Variants in NBEA observed in about 807,000 individuals in gnomAD.
NBEA encodes the protein lysosomal-trafficking regulator 2.
NBEA carries 44 observed loss-of-function variants against 343.4 expected under a neutral mutation model. The observed-to-expected ratio is 0.13, with a 90% CI of 0.10 to 0.16. The LOEUF is 0.16. Ranked by LOEUF, NBEA falls within the 10% of genes least tolerant of loss-of-function variation. NBEA has a pLI of 1.00. For synonymous variants in NBEA, 1,175 were observed against 1,238.7 expected (o/e 0.95, Z 1.08); for missense variants, 2,555 against 3,631.3 (o/e 0.70, Z 7.62).
Position 35,010,744 on chromosome 13 carries a change from ATAT to A in NBEA, c.295-30188_295-30186del, listed in dbSNP as rs1566159134. Among the ~76,000 whole-genome samples the A allele has an allele frequency of 8.2e-3, 511 of 62,056 alleles. 9 individuals are homozygous for A. Among genetic ancestry groups the A allele is most frequent in the African/African-American group, 0.012 (140 of 11,576 alleles). 40.7% of individuals were successfully genotyped at this position (62,056 alleles called of 152,430 possible). A position where few individuals can be genotyped will look rare whatever the true frequency, so the allele number is the denominator to read the frequency against. On this transcript the variant is annotated intron_variant, in intron 1 of 58. Coordinates refer to ENST00000379939, the MANE Select transcript of NBEA (RefSeq NM_001385012.1). Reference sequence around the variant, plus strand: ...GTCTCTACAAAAAAAAAAAAAAAATATATATATATATATATATATATATATATA... The same window carrying A: ...GTCTCTACAAAAAAAAAAAAAAAATAATATATATATATATATATATATATA...
intron 34 of NBEA, among the ~76,000 whole-genome samples, chr13:35,278,593 T>C (rs1006626343): frequency 6.6e-6 from 1 of 152,232 alleles, no homozygotes; most frequent in Non-Finnish European, 1.5e-5. Context: ...TTCAAGTACA[T>C]AATTAAATAG....
intron 33 of NBEA, among the ~76,000 whole-genome samples, chr13:35,217,001 TTA>T (rs1491258012): frequency 6.6e-6 from 1 of 151,922 alleles, no homozygotes; most frequent in Non-Finnish European, 1.5e-5. Flanking sequence ...CTTAACCACT[TTA>T]TGTTTCCACT....
At chr13:35,532,034 C>T (rs183023470) in intron 41 of NBEA, among the ~76,000 whole-genome samples, 14 of 152,214 alleles carry the variant, frequency 9.2e-5, no homozygotes, top group South Asian at 2.1e-4. Flanking sequence ...TTTGCTTTGG[C>T]GGCTCATAAA....
chr13:35,327,879 A>G (rs1232420381), intron 36 of NBEA, among the ~76,000 whole-genome samples: 1 of 152,044 alleles, frequency 6.6e-6, no homozygotes, highest in Non-Finnish European at 1.5e-5. Context: ...TAGGAAAAGC[A>G]TTTGAAAAAG....
chr13:35,118,566 A>C, intron 16 of NBEA, 92 bp downstream of exon 16: 1 of 973,496 alleles, frequency 1.0e-6, no homozygotes, highest in South Asian at 1.7e-5. Context: ...ATTTGAATAA[A>C]TATAGCAAAG....
At chr13:35,366,867 C>T (rs1428911978) in intron 38 of NBEA, among the ~76,000 whole-genome samples, 1 of 151,322 alleles carries the variant, frequency 6.6e-6, no homozygotes, top group Non-Finnish European at 1.5e-5. Flanking sequence ...TTAGATTCAA[C>T]AGCCTCTGAA....
chr13:35,384,548 G>A (rs1594432252), intron 38 of NBEA, among the ~76,000 whole-genome samples: 1 of 140,152 alleles, frequency 7.1e-6, no homozygotes, highest in Non-Finnish European at 1.5e-5. Flanking sequence ...TTTTTTGAGA[G>A]GGAGTCTCGC....
At chr13:35,248,098 G>T (rs1051749116) in intron 34 of NBEA, among the ~76,000 whole-genome samples, 17 of 152,094 alleles carry the variant, frequency 1.1e-4, no homozygotes, top group Admixed American at 9.8e-4. Context: ...TAGAATATTT[G>T]CAAACTCATA....
intron 49 of NBEA, among the ~76,000 whole-genome samples, chr13:35,638,486 G>A (rs890485793): frequency 1.3e-5 from 2 of 152,196 alleles, no homozygotes; most frequent in Non-Finnish European, 2.9e-5. Context: ...TTGGCAGAGA[G>A]GGGCCATATA....
At chr13:35,641,064 T>C (rs1400081491) in intron 49 of NBEA, among the ~76,000 whole-genome samples, 3 of 152,140 alleles carry the variant, frequency 2.0e-5, no homozygotes, top group African/African-American at 7.2e-5. Flanking sequence ...ATTTCTACTT[T>C]AACAATTCCA....
intron 1 of NBEA, among the ~76,000 whole-genome samples, chr13:35,028,925 C>T (rs143662459): frequency 1.3e-5 from 2 of 151,692 alleles, no homozygotes; most frequent in African/African-American, 2.4e-5. Flanking sequence ...AAGATTAATC[C>T]ATGCTGTAGC....
Position 35,587,801 on chromosome 13 carries a change from C to T in NBEA, c.7176+3763C>T, listed in dbSNP as rs922189904. Among the ~76,000 whole-genome samples the T allele has an allele frequency of 3.9e-5, 6 of 152,096 alleles. 1 individual carries two copies. The South Asian group carries it at 6.2e-4, about 16-fold the overall frequency. On this transcript the variant is annotated intron_variant, in intron 46 of 58. Coordinates refer to ENST00000379939, the MANE Select transcript of NBEA (RefSeq NM_001385012.1). ...TTCTTAAGTAGATTTATTATTCCAG[C>T]GAAATGGAATTCAAACTTGAATCTA...
chr13:35,360,909 G>T (rs2152874266), intron 38 of NBEA, among the ~76,000 whole-genome samples: 1 of 152,052 alleles, frequency 6.6e-6, no homozygotes, highest in East Asian at 1.9e-4. Flanking sequence ...AAGAAGAGGA[G>T]AAAGAAATTG....
intron 25 of NBEA, 98 bp from the exon 26 acceptor site, chr13:35,171,174 A>G: frequency 1.1e-6 from 1 of 943,072 alleles, no homozygotes; most frequent in Non-Finnish European, 1.7e-6. Context: ...TATGGTAAAT[A>G]TACTAAATTT....
intron 40 of NBEA, among the ~76,000 whole-genome samples, chr13:35,471,956 C>T (rs2075669784): frequency 6.6e-6 from 1 of 152,096 alleles, no homozygotes; most frequent in African/African-American, 2.4e-5. Flanking sequence ...CCTTCTCGTC[C>T]TCTCGCCTCT....
At chr13:35,373,283 G>T (rs1263139211) in intron 38 of NBEA, among the ~76,000 whole-genome samples, 1 of 152,102 alleles carries the variant, frequency 6.6e-6, no homozygotes, top group Non-Finnish European at 1.5e-5. Context: ...GTTCTTCTTT[G>T]TGGAGGGGGC....
intron 38 of NBEA, among the ~76,000 whole-genome samples, chr13:35,429,350 T>C (rs886108964): frequency 6.8e-6 from 1 of 147,414 alleles, no homozygotes; most frequent in African/African-American, 2.5e-5. Context: ...GACACAATTT[T>C]TCTGTGATGT....
intron 23 of NBEA, 146 bp downstream of exon 23, chr13:35,162,113 G>A (rs1028855497): frequency 6.4e-5 from 42 of 652,428 alleles, no homozygotes; most frequent in Non-Finnish European, 9.7e-5. Flanking sequence ...TTAATACCAT[G>A]TACTAAATTT....
At chr13:35,411,164 G>C (rs1445231348) in intron 38 of NBEA, among the ~76,000 whole-genome samples, 1 of 152,094 alleles carries the variant, frequency 6.6e-6, no homozygotes, top group Non-Finnish European at 1.5e-5. Flanking sequence ...GTTGTTCAAA[G>C]AAATACTTAA....
Sources: allele counts gnomAD v4.1 joint callset (sites outside exome capture counted in the v4.1 genomes callset), GRCh38; gene constraint gnomAD v4.1.1; transcripts MANE v1.5; gene names NCBI Gene and HGNC (gene_info 2026-07-23, HGNC 2026-07-21).